The following BST1 variants were observed in gnomAD, a reference collection of about 807,000 sequenced individuals.
BST1 encodes the protein bone marrow stromal cell antigen 1, also known as ADP-ribosyl cyclase/cyclic ADP-ribose hydrolase 2.
In BST1, 49 loss-of-function variants were observed where a neutral mutation model predicts 40.6. The ratio of observed to expected loss-of-function variants is 1.21; its 90% CI spans 0.96 to 1.53. The LOEUF is 1.53. Ranked by LOEUF, BST1 falls within the 40% of genes most tolerant of loss-of-function variation. The probability of loss-of-function intolerance (pLI) is 0.00; values close to 1 mark genes in which losing one functional copy is unlikely to be tolerated. For missense variants in BST1, 423 were observed against 395.9 expected, an observed-to-expected ratio of 1.07 and a Z score of -0.58; for synonymous variants, 157 against 159.3, an observed-to-expected ratio of 0.99 and a Z score of 0.11.
chr4:15,747,080 T>C, the BST1 span, among the ~76,000 whole-genome samples: 1 of 152,174 alleles, frequency 6.6e-6, no homozygotes, highest in African/African-American at 2.4e-5. Flanking sequence ...CTTACAGGAC[T>C]TCCTCTCCCT....
chr4:15,748,920 G>A, the BST1 span, among the ~76,000 whole-genome samples: 22 of 152,196 alleles, frequency 1.4e-4, no homozygotes, highest in South Asian at 6.2e-4. Flanking sequence ...TGCAAGAGTC[G>A]CAGTAATTGA....
chr4:15,715,272 G>A lies in BST1; in HGVS notation c.535-13G>A. On this transcript the variant is annotated splice_polypyrimidine_tract_variant and intron_variant, in intron 4 of 8. Transcript: ENST00000265016. ...CGTCTTTATTTGCTAAAAATACTTG[G>A]TTCTTCTCGTAGTATTCCAAGGATA... is the stretch of plus-strand genomic sequence containing the variant. 1.2e-6 allele frequency: 2 copies of A among 1,612,724 alleles called. No homozygotes were observed. Among genetic ancestry groups the A allele is most frequent in the East Asian group, 4.5e-5 (2 of 44,836 alleles).
chr4:15,753,148 A>G, the BST1 span, among the ~76,000 whole-genome samples: 1 of 152,214 alleles, frequency 6.6e-6, no homozygotes. Context: ...CTGGCAATAT[A>G]TCACCCTCCA....
chr4:15,737,910 T>C lies in BST1; in HGVS notation c.*136T>C, dbSNP rs529734105. 3.5e-6 allele frequency: 3 copies of C among 856,578 alleles called. No homozygotes were observed. In the East Asian group the frequency reaches 1.9e-4, roughly 54 times the overall value. 53.1% of individuals were successfully genotyped at this position (856,578 alleles called of 1,614,324 possible). A position where few individuals can be genotyped will look rare whatever the true frequency, so the allele number is the denominator to read the frequency against. ...AGGCTCTGGCAAGAGTTGAGTCAAT[T>C]GCATGCCTGCCTAGTCCAGCTCCGT... On this transcript the variant is annotated 3_prime_UTR_variant, in exon 7 of 7. Transcript: ENST00000514445.
In BST1 at chr4:15,712,094, G is replaced by A. The variant is rs184983916; in HGVS notation, c.534+205G>A. On this transcript the variant is annotated intron_variant, in intron 4 of 8. Transcript: ENST00000265016. Reference sequence around the variant, plus strand: ...AAATACTTAATGCAGTGCCTGGCACGGAGAAAACATTCTGTAAATGTTAGC... The same window carrying A: ...AAATACTTAATGCAGTGCCTGGCACAGAGAAAACATTCTGTAAATGTTAGC... 2.9e-3 allele frequency among the ~76,000 whole-genome samples: 444 copies of A among 152,036 alleles called. 1 individual carries two copies. Among genetic ancestry groups the A allele is most frequent in the Non-Finnish European group, 4.6e-3 (316 of 67,964 alleles).
At chr4:15,739,961 G>A (rs1721702475), downstream of BST1, among the ~76,000 whole-genome samples, 1 of 151,976 alleles carries the variant, frequency 6.6e-6, no homozygotes, top group South Asian at 2.1e-4. Flanking sequence ...GAGAGAGACA[G>A]AGAAAGAGAG....
downstream of BST1, among the ~76,000 whole-genome samples, chr4:15,742,232 T>C (rs2148901887): frequency 6.6e-6 from 1 of 152,276 alleles, no homozygotes; most frequent in South Asian, 2.1e-4. Context: ...AGAGGTGGGG[T>C]CTACTGGGAG....
the BST1 span, among the ~76,000 whole-genome samples, chr4:15,748,700 T>C: frequency 6.6e-6 from 1 of 152,204 alleles, no homozygotes; most frequent in East Asian, 1.9e-4. Flanking sequence ...TTGAGGGCCA[T>C]TGAGGTCTTC....
At chr4:15,753,069 T>G in the BST1 span, among the ~76,000 whole-genome samples, 1 of 150,266 alleles carries the variant, frequency 6.7e-6, no homozygotes, top group Non-Finnish European at 1.5e-5. Context: ...AATATAAATA[T>G]AAATCACTAA....
At chr4:15,754,845 T>C in the BST1 span, among the ~76,000 whole-genome samples, 3 of 152,242 alleles carry the variant, frequency 2.0e-5, no homozygotes, top group Non-Finnish European at 2.9e-5. Context: ...CTAATTCGGA[T>C]GACCACTTGT....
chr4:15,762,326 A>G, the BST1 span, among the ~76,000 whole-genome samples: 6 of 151,842 alleles, frequency 4.0e-5, no homozygotes, highest in Non-Finnish European at 8.8e-5. Context: ...ACACACACAC[A>G]TAAGTAGAAA....
the BST1 span, among the ~76,000 whole-genome samples, chr4:15,774,079 A>G: frequency 6.6e-6 from 1 of 152,202 alleles, no homozygotes; most frequent in Non-Finnish European, 1.5e-5. Flanking sequence ...GCTCAAATTC[A>G]CTATGACTGG....
the BST1 span, among the ~76,000 whole-genome samples, chr4:15,770,592 C>T: frequency 2.0e-5 from 3 of 152,072 alleles, no homozygotes; most frequent in Admixed American, 2.0e-4. Flanking sequence ...CCCAGCTACT[C>T]GGGAGGCTGA....
At chr4:15,757,724 CT>C in the BST1 span, among the ~76,000 whole-genome samples, 1 of 152,138 alleles carries the variant, frequency 6.6e-6, no homozygotes, top group Non-Finnish European at 1.5e-5. Flanking sequence ...TCTCTGCAAC[CT>C]CCATCTCCTG....
chr4:15,705,976 G>A (rs1431836794), intron 2 of BST1, among the ~76,000 whole-genome samples: 1 of 152,208 alleles, frequency 6.6e-6, no homozygotes, highest in African/African-American at 2.4e-5. Context: ...AGAAGGCAAA[G>A]TGGGAGCAGG....
chr4:15,737,718 C>G (rs1382952038), downstream of BST1: 1 of 1,143,904 alleles, frequency 8.7e-7, no homozygotes, highest in Non-Finnish European at 1.2e-6. Flanking sequence ...GTACCAGGTA[C>G]CTTACACTTG....
chr4:15,705,872 GA>G (rs1359881003), intron 2 of BST1, among the ~76,000 whole-genome samples: 1 of 152,230 alleles, frequency 6.6e-6, no homozygotes, highest in East Asian at 1.9e-4. Flanking sequence ...AATTTACAAA[GA>G]AAAGAGGTTT....
the BST1 span, among the ~76,000 whole-genome samples, chr4:15,750,872 T>C: frequency 6.6e-6 from 1 of 152,210 alleles, no homozygotes; most frequent in Non-Finnish European, 1.5e-5. Context: ...TCATATTATA[T>C]TTCTACTGGT....
chr4:15,725,185 C>G (rs1418097280), intron 8 of BST1, among the ~76,000 whole-genome samples: 1 of 152,162 alleles, frequency 6.6e-6, no homozygotes, highest in Non-Finnish European at 1.5e-5. Flanking sequence ...GAAACTCTGG[C>G]TCAGAGAAGT....
Sources: gnomAD v4.1 joint callset for allele counts (sites outside exome capture counted in the v4.1 genomes callset) on GRCh38, gnomAD v4.1.1 for gene constraint, MANE v1.5 for transcripts, NCBI Gene and HGNC (gene_info 2026-07-23, HGNC 2026-07-21) for gene names.